The following PRKG1 variants were observed in gnomAD, a reference collection of about 807,000 sequenced individuals.
The protein encoded by PRKG1 is cGMP-dependent protein kinase 1.
A neutral mutation model predicts 88.1 loss-of-function variants in PRKG1; 35 were observed. The observed-to-expected ratio is 0.40, with a 90% CI of 0.30 to 0.53. The LOEUF is 0.53. PRKG1 is among the 20% of genes least tolerant of loss of function. The probability of loss-of-function intolerance (pLI) is 0.59; values close to 1 mark genes in which losing one functional copy is unlikely to be tolerated. For synonymous variants in PRKG1, 303 were observed against 292.5 expected (o/e 1.04, Z -0.37); for missense variants, 540 against 839.8 (o/e 0.64, Z 4.41).
chr10:52,137,734 A>G (rs888438711), intron 8 of PRKG1, among the ~76,000 whole-genome samples: 42 of 152,282 alleles, frequency 2.8e-4, no homozygotes, highest in African/African-American at 9.9e-4. Flanking sequence ...ATGCATATTC[A>G]GTAAAGGTGT....
chr10:51,090,638 C>G (rs576676446), intron 1 of PRKG1, among the ~76,000 whole-genome samples: 1 of 152,152 alleles, frequency 6.6e-6, no homozygotes, highest in South Asian at 2.1e-4. Flanking sequence ...CTCTAAAAGA[C>G]AGGAAGTGTT....
intron 2 of PRKG1, among the ~76,000 whole-genome samples, chr10:51,448,036 C>G (rs1046670067): frequency 2.0e-5 from 3 of 151,888 alleles, no homozygotes; most frequent in Non-Finnish European, 4.4e-5. Context: ...ATAGAATTAG[C>G]CTGGGTAACA....
chr10:51,865,554 C>T (rs1394934674), intron 4 of PRKG1, among the ~76,000 whole-genome samples: 1 of 151,788 alleles, frequency 6.6e-6, no homozygotes, highest in Non-Finnish European at 1.5e-5. Context: ...CTGAATCTGC[C>T]TTATATTAGA....
Position 51,920,258 on chromosome 10 carries a change from A to G in PRKG1, c.762+12688A>G, listed in dbSNP as rs142209555. On this transcript the variant is annotated intron_variant, in intron 5 of 17. Transcript: ENST00000373980. ...TCCTTCTCCTTTCCCTATCCATCCC[A>G]GGGAGATATAACAAAGGCCAAACCT... Among the ~76,000 whole-genome samples, 552 of 152,308 alleles carry G rather than the reference A, an allele frequency of 3.6e-3. 5 individuals are homozygous for G. Among genetic ancestry groups the G allele is most frequent in the African/African-American group, 0.012 (515 of 41,572 alleles).
intron 5 of PRKG1, among the ~76,000 whole-genome samples, chr10:51,912,779 C>A (rs1425825124): frequency 6.6e-6 from 1 of 151,176 alleles, no homozygotes; most frequent in Non-Finnish European, 1.5e-5. Flanking sequence ...CCAGCCCCCA[C>A]CTACCCCCTT....
chr10:51,692,236 A>T (rs10998932), intron 3 of PRKG1, among the ~76,000 whole-genome samples: 104 of 138,248 alleles, frequency 7.5e-4, no homozygotes, highest in African/African-American at 2.6e-3. Flanking sequence ...GGCCTTTTTA[A>T]AAAAAAAAAA....
chr10:51,426,404 C>T lies in PRKG1; in HGVS notation c.479-41319C>T, dbSNP rs570140317. On this transcript the variant is annotated intron_variant, in intron 2 of 17. Transcript: ENST00000373980. The stretch of plus-strand genomic sequence containing the variant: ...GGCACCAGGGAAATGGAGATGAATA[C>T]GAATGAGTCCTTTCTATAAGCAGTA... 9.2e-5 allele frequency among the ~76,000 whole-genome samples: 14 copies of T among 152,228 alleles called. No homozygotes were observed. In the East Asian group the frequency reaches 1.5e-3, roughly 17 times the overall value.
intron 6 of PRKG1, among the ~76,000 whole-genome samples, chr10:52,060,394 G>T (rs1406270723): frequency 6.6e-6 from 1 of 151,820 alleles, no homozygotes; most frequent in Non-Finnish European, 1.5e-5. Context: ...ACGGTTAAGT[G>T]TAATTACATT....
chr10:51,891,056 G>GT (rs554616582), intron 4 of PRKG1, among the ~76,000 whole-genome samples: 188 of 151,944 alleles, frequency 1.2e-3, no homozygotes, highest in African/African-American at 4.4e-3. Context: ...GAACTTAGGA[G>GT]TTTGACATCA....
intron 2 of PRKG1, among the ~76,000 whole-genome samples, chr10:51,402,576 A>G (rs1413528850): frequency 6.6e-6 from 1 of 152,186 alleles, no homozygotes; most frequent in Non-Finnish European, 1.5e-5. Flanking sequence ...AAAATATTTT[A>G]TATGCTGACT....
At chr10:51,140,338 C>G (rs560618433) in intron 1 of PRKG1, among the ~76,000 whole-genome samples, 4 of 152,212 alleles carry the variant, frequency 2.6e-5, no homozygotes, top group East Asian at 1.9e-4. Context: ...TTCACTTACC[C>G]CCTTACCCCT....
intron 10 of PRKG1, chr10:52,252,784 C>T (rs1841206104): frequency 6.6e-6 from 1 of 151,522 alleles, no homozygotes. Flanking sequence ...AGTAATATCA[C>T]CTGTGACTTG....
At chr10:51,706,232 CTTAGTG>C (rs1171315194) in intron 3 of PRKG1, among the ~76,000 whole-genome samples, 2 of 152,086 alleles carry the variant, frequency 1.3e-5, no homozygotes, top group African/African-American at 2.4e-5. Flanking sequence ...TCCCAAAATG[CTTAGTG>C]TATTTAATAT....
intron 3 of PRKG1, among the ~76,000 whole-genome samples, chr10:51,488,817 A>C (rs993551388): frequency 2.0e-5 from 3 of 152,080 alleles, no homozygotes; most frequent in Middle Eastern, 3.2e-3. Flanking sequence ...TTCTCTTGTT[A>C]TCCCAGGGAT....
chr10:51,103,134 T>TA (rs1554836275), intron 1 of PRKG1, among the ~76,000 whole-genome samples: 34,849 of 109,874 alleles, frequency 0.32, 4,130 homozygotes, highest in Non-Finnish European at 0.38. Context: ...TATTCAAAAG[T>TA]AAAAAAAAAA....
intron 2 of PRKG1, among the ~76,000 whole-genome samples, chr10:51,231,580 C>T (rs558636013): frequency 3.2e-4 from 49 of 152,270 alleles, no homozygotes; most frequent in African/African-American, 9.4e-4. Flanking sequence ...TCTTTGGAAT[C>T]ATCCTTTTTT....
At chr10:51,898,246 C>T in intron 4 of PRKG1, among the ~76,000 whole-genome samples, 1 of 152,130 alleles carries the variant, frequency 6.6e-6, no homozygotes, top group African/African-American at 2.4e-5. Context: ...TTTAACTTGC[C>T]CCTCTTTCCA....
chr10:51,486,881 G>C (rs1014833670), intron 3 of PRKG1, among the ~76,000 whole-genome samples: 2 of 151,970 alleles, frequency 1.3e-5, no homozygotes, highest in Non-Finnish European at 2.9e-5. Flanking sequence ...TCTACAGTGC[G>C]GTAGTTATTT....
At chr10:51,066,621 A>AAGG (rs1263799743) in intron 1 of PRKG1, among the ~76,000 whole-genome samples, 1 of 152,168 alleles carries the variant, frequency 6.6e-6, no homozygotes, top group African/African-American at 2.4e-5. Context: ...GTATTAGAAG[A>AAGG]AGGAAGGTTT....
Sources: allele counts gnomAD v4.1 joint callset (sites outside exome capture counted in the v4.1 genomes callset), GRCh38; gene constraint gnomAD v4.1.1; transcripts MANE v1.5; gene names NCBI Gene and HGNC (gene_info 2026-07-23, HGNC 2026-07-21).